Variants in LDHD observed in about 807,000 individuals in gnomAD.
LDHD encodes lactate dehydrogenase D.
In LDHD, 58 loss-of-function variants were observed where a neutral mutation model predicts 52.9. That is an observed-to-expected ratio of 1.10 (90% CI 0.89 to 1.36). LDHD has a LOEUF of 1.36. Ranked by LOEUF, LDHD falls within the 40% of genes most tolerant of loss-of-function variation. LDHD has a pLI of 0.00. For synonymous variants in LDHD, 350 were observed against 288.6 expected (o/e 1.21, Z -2.16); for missense variants, 747 against 668.0 (o/e 1.12, Z -1.30).
rs1274176889 is a variant in LDHD at position 75,113,667 on chromosome 16, AGTTGGGGAAG to A, written c.959-15_959-6del. On this transcript the variant is annotated splice_region_variant and splice_polypyrimidine_tract_variant and intron_variant, in intron 7 of 10. Transcript: ENST00000450168. ...CGTTCTGCTGGACTATCTCCTCTGCAGTTGGGGAAGGGGGGCTGACACCGGGCCGCCACTG... is the reference window on the plus strand; with the variant it reads ...CGTTCTGCTGGACTATCTCCTCTGCAGGGGGCTGACACCGGGCCGCCACTG... 5 of 1,613,074 alleles carry A rather than the reference AGTTGGGGAAG, an allele frequency of 3.1e-6. No individual in the cohort carries two copies. The highest frequency in any genetic ancestry group is 3.4e-6 in the Non-Finnish European group (4 of 1,179,836).
chr16:75,113,711 C>G, intron 7 of LDHD, 31 bp downstream of exon 7: 2 of 1,613,112 alleles, frequency 1.2e-6, no homozygotes, highest in Non-Finnish European at 1.7e-6. Context: ...TGAGGCAGCC[C>G]ACCCTGCTGC....
In LDHD at chr16:75,114,566, C is replaced by G. The variant is rs1309839193; in HGVS notation, c.589G>C (p.Gly197Arg). The change falls in exon 5 of 11, where the codon GGG (glycine) becomes CGG (arginine). Residue 197 changes from glycine to arginine, a missense_variant. Transcript: ENST00000450168. ...VLNLEVVLPD[G>R]RLLHTAGRGR... ...CGGCCCGCCGTGTGCAGCAGCCGCC[C>G]GTCGGGCAGCACCACCTCCAGGTTG... 4 of 1,531,148 alleles carry G rather than the reference C, an allele frequency of 2.6e-6. No individual in the cohort carries two copies. The African/African-American group carries it at 4.1e-5, about 16-fold the overall frequency. 94.8% of individuals were successfully genotyped at this position (1,531,148 alleles called of 1,614,324 possible).
Position 75,114,896 on chromosome 16 carries a change from C to T in LDHD, c.400G>A (p.Val134Met), listed in dbSNP as rs758839832. 5 of 1,614,078 alleles carry T rather than the reference C, an allele frequency of 3.1e-6. No individual in the cohort carries two copies. Among genetic ancestry groups the T allele is most frequent in the Non-Finnish European group, 4.2e-6 (5 of 1,180,016 alleles). ...ELNQEDFSVV[V>M]EPGVTRKALN... ...GCTTTGCGGGTGACACCTGGCTCCA[C>T]CACCACAGAGAAGTCCTCCTGGTTC... is the stretch of plus-strand genomic sequence containing the variant. Residue 134 changes from valine to methionine, a missense_variant, in exon 4 of 11, where the codon GTG becomes ATG. Physicochemically the swap from Val to Met is conservative, Grantham distance 21 (BLOSUM62 1). Transcript: ENST00000450168.
At chr16:75,115,761 G>C in intron 1 of LDHD, 101 bp from the exon 2 acceptor site, 1 of 716,294 alleles carries the variant, frequency 1.4e-6, no homozygotes, top group Non-Finnish European at 2.3e-6. Context: ...AGGCTGGAGT[G>C]AGCCTCCCCT....
Position 75,115,339 on chromosome 16 carries a change from C to G in LDHD, c.186G>C (p.Arg62Ser). The change falls in exon 3 of 11, where the codon AGG becomes AGC. Residue 62 changes from arginine to serine, a missense_variant and splice_region_variant. By Grantham distance (110) the Arg-to-Ser change is moderately radical. Coordinates refer to ENST00000450168, the MANE Select transcript of LDHD (RefSeq NM_194436.3). ...EQHGRDESVH[R>S]CEPPDAVVWP... ...ACACCACAGCATCAGGAGGTTCGCA[C>G]CTAGAACCAGACCCTCAGCGATTTA... is the stretch of plus-strand genomic sequence containing the variant. 1 of 1,613,490 alleles carries G rather than the reference C, an allele frequency of 6.2e-7. No homozygotes were observed. Among genetic ancestry groups the G allele is most frequent in the Non-Finnish European group, 8.5e-7 (1 of 1,179,986 alleles).
rs1275221707 is a variant in LDHD at position 75,114,985 on chromosome 16, C to A, written c.328-17G>T. 1 of 1,602,892 alleles carries A rather than the reference C, an allele frequency of 6.2e-7. No homozygotes were observed. Among genetic ancestry groups the A allele is most frequent in the Admixed American group, 1.7e-5 (1 of 58,772 alleles). ...GACGCCGCCCTGGTTGGGGCAGGTG[C>A]TAAGACCACTGCAGACCTGGGTCTC... On this transcript the variant is annotated splice_polypyrimidine_tract_variant and intron_variant, in intron 3 of 10. Coordinates refer to ENST00000450168, the MANE Select transcript of LDHD (RefSeq NM_194436.3).
intron 1 of LDHD, among the ~76,000 whole-genome samples, chr16:75,116,281 GGGCGGGGCGC>G (rs551071394): frequency 5.1e-4 from 77 of 152,274 alleles, no homozygotes; most frequent in African/African-American, 1.7e-3. Flanking sequence ...CCTTCGTGGG[GGGCGGGGCGC>G]GGCGGGGCGG....
At chr16:75,116,567 G>T in intron 1 of LDHD, 82 bp downstream of exon 1, 2 of 1,201,986 alleles carry the variant, frequency 1.7e-6, no homozygotes, top group Non-Finnish European at 2.4e-6. Flanking sequence ...GCGTCACAGA[G>T]CCCAGGAAAC....
chr16:75,112,350 C>A lies in LDHD; in HGVS notation c.*6G>T, dbSNP rs374912263. The A allele has an allele frequency of 2.8e-5, 45 of 1,604,566 alleles. 1 individual carries two copies. In the Middle Eastern group the frequency reaches 8.3e-4, roughly 29 times the overall value. On this transcript the variant is annotated 3_prime_UTR_variant, in exon 11 of 11. Coordinates refer to ENST00000450168, the MANE Select transcript of LDHD (RefSeq NM_194436.3). ...GGAACTTGTGGGCTAAGTGCTCAGA[C>A]CCCCTTCACAGCACTTTGCCTGGAT...
In LDHD at chr16:75,112,400, C is replaced by T. The variant is rs774864202; in HGVS notation, c.1411G>A (p.Val471Met). The T allele has an allele frequency of 3.5e-5, 56 of 1,613,478 alleles. No individual in the cohort carries two copies. The highest frequency in any genetic ancestry group is 1.7e-4 in the Middle Eastern group (1 of 6,060). ...TTCATGAGGCCTTGGGGGTCTAGCACGGCCTTGAGCTGCCGCATGGTCTCC... is the reference window on the plus strand; with the variant it reads ...TTCATGAGGCCTTGGGGGTCTAGCATGGCCTTGAGCTGCCGCATGGTCTCC... ...GVETMRQLKAVLDPQGLMNPG... is the reference protein window; with the variant it reads ...GVETMRQLKAMLDPQGLMNPG... The change falls in exon 11 of 11, where the codon GTG becomes ATG. Residue 471 changes from valine (V) to methionine (M), a missense_variant. Transcript: ENST00000450168.
At chr16:75,116,358 G>A (rs946607621) in intron 1 of LDHD, among the ~76,000 whole-genome samples, 1 of 152,190 alleles carries the variant, frequency 6.6e-6, no homozygotes, top group Admixed American at 6.5e-5. Flanking sequence ...TAAGGACAGA[G>A]CCTGGCCTGG....
chr16:75,112,827 G>C lies in LDHD; in HGVS notation c.1177+7C>G. 6.2e-7 allele frequency: 1 copy of C among 1,611,756 alleles called. No individual in the cohort carries two copies. The highest frequency in any genetic ancestry group is 8.5e-7 in the Non-Finnish European group (1 of 1,178,834). On this transcript the variant is annotated splice_region_variant and intron_variant, in intron 9 of 10. Coordinates refer to ENST00000450168, the MANE Select transcript of LDHD (RefSeq NM_194436.3). Reference sequence around the variant, plus strand: ...CCACCTCTCCCCAGCAGCAGGGTGGGCAGAACCTGTGAGTCCTGAGGCATT... The same window carrying C: ...CCACCTCTCCCCAGCAGCAGGGTGGCCAGAACCTGTGAGTCCTGAGGCATT...
At position 75,112,664 on chromosome 16, in the gene LDHD, C is replaced by A; in HGVS notation, c.1227G>T (p.Leu409=). 6.2e-7 allele frequency: 1 copy of A among 1,614,140 alleles called. No homozygotes were observed. Among genetic ancestry groups the A allele is most frequent in the Non-Finnish European group, 8.5e-7 (1 of 1,180,032 alleles). The part of the protein sequence containing the change: ...VGDGNFHCIL[L]VNPDDAEELG... ...GTTCCTCGGCGTCATCAGGGTTGACCAGCAGGATGCAGTGGAAGTTGCCGT... is the reference window on the plus strand; with the variant it reads ...GTTCCTCGGCGTCATCAGGGTTGACAAGCAGGATGCAGTGGAAGTTGCCGT... Residue 409 remains leucine (L), a synonymous_variant, in exon 10 of 11, where the codon CTG becomes CTT. Coordinates refer to ENST00000450168, the MANE Select transcript of LDHD (RefSeq NM_194436.3).
intron 3 of LDHD, 91 bp from the exon 4 acceptor site, chr16:75,115,059 G>A: frequency 6.5e-7 from 1 of 1,544,456 alleles, no homozygotes; most frequent in Non-Finnish European, 8.8e-7. Flanking sequence ...CCCCCCAGCA[G>A]CCAGACCAGA....
At chr16:75,115,133 C>T (rs921248226) in intron 3 of LDHD, 65 bp downstream of exon 3, 79 of 1,550,640 alleles carry the variant, frequency 5.1e-5, no homozygotes, top group Non-Finnish European at 6.4e-5. Context: ...GCGGGGGAGG[C>T]AGCCACAGGT....
At chr16:75,113,908 C>A (rs752147773) in intron 6 of LDHD, 38 bp from the exon 7 acceptor site, 40 of 1,611,938 alleles carry the variant, frequency 2.5e-5, no homozygotes, top group Non-Finnish European at 3.4e-5. Flanking sequence ...TGAGGCCTGG[C>A]CTTCCCAGGG....
intron 1 of LDHD, 24 bp downstream of exon 1, chr16:75,116,625 A>T: frequency 2.5e-6 from 4 of 1,594,698 alleles, no homozygotes; most frequent in East Asian, 2.3e-5. Context: ...ATCCCTCCAG[A>T]GGACTTCTCT....
In LDHD at chr16:75,112,720, G is replaced by T. The variant is rs2036429249; in HGVS notation, c.1178-7C>A. On this transcript the variant is annotated splice_region_variant and splice_polypyrimidine_tract_variant and intron_variant, in intron 9 of 10. Coordinates refer to ENST00000450168, the MANE Select transcript of LDHD (RefSeq NM_194436.3). ...ACATGCCCGACAATGCTTCCTGGGG[G>T]CCCAGAGGACAGAACTATTCTCCAG... 7 of 1,611,990 alleles carry T rather than the reference G, an allele frequency of 4.3e-6. No individual in the cohort carries two copies. The highest frequency in any genetic ancestry group is 2.2e-5 in the East Asian group (1 of 44,872).
intron 8 of LDHD, among the ~76,000 whole-genome samples, chr16:75,113,218 A>G (rs1382584518): frequency 6.6e-6 from 1 of 152,128 alleles, no homozygotes; most frequent in Non-Finnish European, 1.5e-5. Flanking sequence ...AGGTTAGGCT[A>G]ACATCCCCCT....
Sources: gnomAD v4.1 joint callset for allele counts (sites outside exome capture counted in the v4.1 genomes callset) on GRCh38, gnomAD v4.1.1 for gene constraint, MANE v1.5 for transcripts, NCBI Gene and HGNC (gene_info 2026-07-23, HGNC 2026-07-21) for gene names.